NTRK3: variants seen among roughly 807,000 people sequenced by gnomAD.
The protein encoded by NTRK3 is neurotrophic receptor tyrosine kinase 3.
In NTRK3, 24 loss-of-function variants were observed where a neutral mutation model predicts 91.7. That is an observed-to-expected ratio of 0.26 (90% CI 0.19 to 0.37). The LOEUF is 0.37. Ranked by LOEUF, NTRK3 falls within the 10% of genes least tolerant of loss-of-function variation. The pLI is 1.00. For missense variants in NTRK3, 880 were observed against 1,068.9 expected, an observed-to-expected ratio of 0.82 and a Z score of 2.46; for synonymous variants, 483 against 404.0, an observed-to-expected ratio of 1.20 and a Z score of -2.34.
exon 19 of NTRK3, chr15:87,872,681 C>T (rs138286060): frequency 3.3e-4 from 77 of 232,638 alleles, no homozygotes; most frequent in African/African-American, 1.6e-3. Flanking sequence ...TGCCTGGCTC[C>T]CTGTACAATA....
chr15:88,193,765 C>T lies in NTRK3; in HGVS notation c.249-9466G>A, dbSNP rs116285722. On this transcript the variant is annotated intron_variant, in intron 3 of 18. Transcript: ENST00000394480. ...TTTTTCTCTTCCTCTTCTCTACCCT[C>T]AACTGTCTCTCTGCTATGTTTTTCC... Among the ~76,000 whole-genome samples, 259 of 152,338 alleles carry T rather than the reference C, an allele frequency of 1.7e-3. 2 individuals carry two copies. Among genetic ancestry groups the T allele is most frequent in the African/African-American group, 5.7e-3 (236 of 41,570 alleles).
At chr15:88,134,361 C>T (rs1381742102) in intron 10 of NTRK3, among the ~76,000 whole-genome samples, 1 of 152,184 alleles carries the variant, frequency 6.6e-6, no homozygotes, top group Non-Finnish European at 1.5e-5. Context: ...CAGAGAAAGA[C>T]AGAATCAACT....
In NTRK3 at chr15:88,255,029, G is replaced by C. The variant is rs1338322284; in HGVS notation, c.248+877C>G. Reference sequence around the variant, plus strand: ...AGGAGAAAAGAGCAGGCCACCACTGGTCTCCCTCGGAGGGGGCAGAACCAA... The same window carrying C: ...AGGAGAAAAGAGCAGGCCACCACTGCTCTCCCTCGGAGGGGGCAGAACCAA... On this transcript the variant is annotated intron_variant, in intron 3 of 18. Coordinates refer to ENST00000394480, the Ensembl canonical transcript of NTRK3. This position sits in a 1 kb window ranked among gnomAD's most constrained non-coding sequence, Gnocchi z 4.3. 6.6e-6 allele frequency among the ~76,000 whole-genome samples: 1 copy of C among 152,152 alleles called. No homozygotes were observed. The highest frequency in any genetic ancestry group is 2.4e-5 in the African/African-American group (1 of 41,436).
chr15:88,255,101 G>A lies in NTRK3; in HGVS notation c.248+805C>T, dbSNP rs967426069. Among the ~76,000 whole-genome samples, 16 of 152,114 alleles carry A rather than the reference G, an allele frequency of 1.1e-4. No individual in the cohort carries two copies. In the East Asian group the frequency reaches 2.7e-3, roughly 26 times the overall value. ...ATGTTCCAAATGAACCGATCCGCACGATCACACAAGAAACCCCTCTCCTCA... is the reference window on the plus strand; with the variant it reads ...ATGTTCCAAATGAACCGATCCGCACAATCACACAAGAAACCCCTCTCCTCA... On this transcript the variant is annotated intron_variant, in intron 3 of 18. Transcript: ENST00000394480. This position sits in a 1 kb window ranked among gnomAD's most constrained non-coding sequence, Gnocchi z 4.3.
At chr15:88,232,145 G>A (rs2051250839) in intron 3 of NTRK3, among the ~76,000 whole-genome samples, 1 of 152,012 alleles carries the variant, frequency 6.6e-6, no homozygotes, top group African/African-American at 2.4e-5. Context: ...CACTCTGGCT[G>A]TGTGCTGCAC....
At chr15:87,931,770 G>T (rs1001743631) in intron 16 of NTRK3, among the ~76,000 whole-genome samples, 1 of 152,162 alleles carries the variant, frequency 6.6e-6, no homozygotes, top group Non-Finnish European at 1.5e-5. Flanking sequence ...TCCATTGCCT[G>T]GTACTAACTC....
chr15:88,132,132 G>T (rs1420586329), intron 10 of NTRK3: 2 of 181,108 alleles, frequency 1.1e-5, no homozygotes, highest in African/African-American at 4.7e-5. Context: ...CAGAGTCAGA[G>T]CCCTGGCAAC....
At chr15:88,019,019 T>C (rs532814426) in intron 14 of NTRK3, among the ~76,000 whole-genome samples, 2 of 152,182 alleles carry the variant, frequency 1.3e-5, no homozygotes, top group South Asian at 4.2e-4. Context: ...TCACACAGCT[T>C]GCTCAACCAA....
chr15:87,964,859 A>G (rs1451763944), intron 14 of NTRK3, among the ~76,000 whole-genome samples: 1 of 152,238 alleles, frequency 6.6e-6, no homozygotes, highest in African/African-American at 2.4e-5. Context: ...CTATGGTTAC[A>G]CCACATTTTC....
intron 13 of NTRK3, among the ~76,000 whole-genome samples, chr15:88,112,227 A>G (rs1474555471): frequency 6.6e-6 from 1 of 152,160 alleles, no homozygotes; most frequent in Non-Finnish European, 1.5e-5. Flanking sequence ...TTTTATGTCC[A>G]TTATTTCAGT....
intron 17 of NTRK3, among the ~76,000 whole-genome samples, chr15:87,914,682 G>GA (rs1467764346): frequency 6.6e-6 from 1 of 152,134 alleles, no homozygotes; most frequent in Non-Finnish European, 1.5e-5. Context: ...CTCAGGATGT[G>GA]AAAAAATAAA....
At chr15:88,113,706 A>G (rs1010512697) in intron 13 of NTRK3, among the ~76,000 whole-genome samples, 1 of 152,134 alleles carries the variant, frequency 6.6e-6, no homozygotes, top group African/African-American at 2.4e-5. Flanking sequence ...TTTTATAAAT[A>G]AAGTTTTATT....
chr15:88,155,589 G>A (rs1408426666), intron 5 of NTRK3, among the ~76,000 whole-genome samples: 1 of 152,164 alleles, frequency 6.6e-6, no homozygotes, highest in Non-Finnish European at 1.5e-5. Context: ...AATTGCAACA[G>A]AGACCAAAAT....
chr15:87,939,125 G>T (rs1466160700), intron 15 of NTRK3, among the ~76,000 whole-genome samples: 2 of 152,156 alleles, frequency 1.3e-5, no homozygotes, highest in Non-Finnish European at 2.9e-5. Flanking sequence ...TACCTTTAGA[G>T]AAAAAGTTTG....
intron 6 of NTRK3, 89 bp downstream of exon 6, chr15:88,147,246 C>T: frequency 8.2e-7 from 1 of 1,220,122 alleles, no homozygotes; most frequent in Non-Finnish European, 1.2e-6. Context: ...GTATGCTCAG[C>T]CTTCAGGTGG....
At chr15:87,903,764 A>G (rs2141671986) in intron 17 of NTRK3, among the ~76,000 whole-genome samples, 1 of 152,324 alleles carries the variant, frequency 6.6e-6, no homozygotes, top group African/African-American at 2.4e-5. Flanking sequence ...GGCCAGTCTT[A>G]ATGATCTTGG....
intron 13 of NTRK3, 146 bp from the exon 14 acceptor site, chr15:88,033,191 T>C (rs1206500423): frequency 0.01 from 1,012 of 101,186 alleles, 134 homozygotes; most frequent in Middle Eastern, 0.084. Flanking sequence ...TATATATATA[T>C]ATATATATAT....
At chr15:87,861,433 G>A (rs541981733) in exon 19 of NTRK3, 1 of 206,302 alleles carries the variant, frequency 4.8e-6, no homozygotes, top group East Asian at 7.4e-5. Flanking sequence ...TCATTTACAC[G>A]ACAATAAATC....
intron 14 of NTRK3, among the ~76,000 whole-genome samples, chr15:88,015,616 CATT>C (rs2141827032): frequency 6.6e-6 from 1 of 152,284 alleles, no homozygotes; most frequent in Admixed American, 6.5e-5. Context: ...GCAGGCATCT[CATT>C]ATGCTCATAT....
Sources: gnomAD v4.1 joint callset for allele counts (sites outside exome capture counted in the v4.1 genomes callset) on GRCh38, gnomAD v4.1.1 for gene constraint, Gnocchi (gnomAD v3.1) non-coding constraint, MANE v1.5 for transcripts, NCBI Gene and HGNC (gene_info 2026-07-23, HGNC 2026-07-21) for gene names.